The following RBMS3 variants were observed in gnomAD, a reference collection of about 807,000 sequenced individuals.
The protein encoded by RBMS3 is RNA binding motif single stranded interacting protein 3.
Under a neutral mutation model 66.8 loss-of-function variants are expected in RBMS3, and 27 were observed. The observed-to-expected ratio is 0.40, with a 90% confidence interval of 0.30 to 0.56. The LOEUF is 0.56. Ranked by LOEUF, RBMS3 falls within the 20% of genes least tolerant of loss-of-function variation. RBMS3 has a pLI of 0.40. For missense variants in RBMS3, 513 were observed against 549.5 expected, an observed-to-expected ratio of 0.93 and a Z score of 0.66; for synonymous variants, 188 against 183.0, an observed-to-expected ratio of 1.03 and a Z score of -0.22.
intron 4 of RBMS3, among the ~76,000 whole-genome samples, chr3:29,689,917 CAAAAAAAAAAAAAAAAAA>C (rs66580293): frequency 0.23 from 6,257 of 27,712 alleles, 297 homozygotes; most frequent in East Asian, 0.45. Context: ...CTATCTCTAC[CAAAAAAAAAAAAAAAAAA>C]AAAAAAAAAA....
At chr3:29,583,561 G>GA (rs34671470) in intron 3 of RBMS3, among the ~76,000 whole-genome samples, 10,306 of 152,230 alleles carry the variant, frequency 0.068, 460 homozygotes, top group South Asian at 0.14. Flanking sequence ...GTAATACAAT[G>GA]AAACAACACC....
intron 6 of RBMS3, among the ~76,000 whole-genome samples, chr3:29,804,377 T>C (rs1046468465): frequency 2.0e-5 from 3 of 152,064 alleles, no homozygotes; most frequent in East Asian, 3.8e-4. Context: ...AGCTCTATAA[T>C]ATATAGACTT....
intron 4 of RBMS3, among the ~76,000 whole-genome samples, chr3:29,736,965 G>T (rs1559620293): frequency 6.6e-6 from 1 of 152,008 alleles, no homozygotes; most frequent in African/African-American, 2.4e-5. Context: ...TGGCCTTTTA[G>T]TTATGGTAAC....
chr3:29,627,308 C>G (rs532084343), intron 4 of RBMS3, among the ~76,000 whole-genome samples: 4 of 152,022 alleles, frequency 2.6e-5, no homozygotes, highest in Non-Finnish European at 4.4e-5. Flanking sequence ...CTGTCTCTCT[C>G]TCTCTCTTCT....
chr3:29,996,094 CA>C (rs1274700792), intron 14 of RBMS3, among the ~76,000 whole-genome samples: 1 of 150,718 alleles, frequency 6.6e-6, no homozygotes, highest in South Asian at 2.1e-4. Context: ...CAATGGAAAA[CA>C]AAAAAAGGCA....
rs1278719376 is a variant in RBMS3, at chr3:29,910,944, A to G, written c.939+11189A>G. Reference sequence around the variant, plus strand: ...AAGAAGAAGCTTACCAAAGATAGGAATTAAACGTACATTTTTCTCCCTGTT... The same window carrying G: ...AAGAAGAAGCTTACCAAAGATAGGAGTTAAACGTACATTTTTCTCCCTGTT... On this transcript the variant is annotated intron_variant, in intron 10 of 14. Transcript: ENST00000383767. Among the ~76,000 whole-genome samples the G allele has an allele frequency of 2.0e-5, 3 of 152,100 alleles. No individual in the cohort carries two copies. The East Asian group carries it at 5.8e-4, about 29-fold the overall frequency.
chr3:29,528,891 A>G (rs1178466245), intron 3 of RBMS3, among the ~76,000 whole-genome samples: 3 of 151,834 alleles, frequency 2.0e-5, no homozygotes, highest in Non-Finnish European at 4.4e-5. Flanking sequence ...GTGTCACCAC[A>G]CCCAGCTAAT....
At chr3:29,329,435 T>C (rs1425669299) in intron 1 of RBMS3, among the ~76,000 whole-genome samples, 1 of 152,102 alleles carries the variant, frequency 6.6e-6, no homozygotes, top group Admixed American at 6.6e-5. Context: ...AGTCTATAGT[T>C]AGCGTGTATC....
intron 4 of RBMS3, among the ~76,000 whole-genome samples, chr3:29,629,298 T>C (rs1053026242): frequency 5.3e-5 from 8 of 152,144 alleles, no homozygotes; most frequent in African/African-American, 1.9e-4. Context: ...CAGGCTATTT[T>C]AATGAGGGCA....
chr3:29,427,838 C>A (rs1446805648), intron 1 of RBMS3, among the ~76,000 whole-genome samples: 1 of 152,158 alleles, frequency 6.6e-6, no homozygotes, highest in Non-Finnish European at 1.5e-5. Context: ...TGCCAGCAAC[C>A]AGATGCCGGC....
At chr3:29,824,210 G>A (rs2058145830) in intron 6 of RBMS3, among the ~76,000 whole-genome samples, 2 of 149,420 alleles carry the variant, frequency 1.3e-5, no homozygotes, top group African/African-American at 4.9e-5. Flanking sequence ...AATTGGACAT[G>A]AGGGTGGAGC....
At chr3:29,791,865 GA>G (rs1259806602) in intron 6 of RBMS3, among the ~76,000 whole-genome samples, 1 of 152,050 alleles carries the variant, frequency 6.6e-6, no homozygotes, top group East Asian at 1.9e-4. Context: ...AAAAAAACTT[GA>G]ATTGCCACTA....
At chr3:29,691,949 A>ATTTTTTTTTTTTTTTTTTTTTTTTTTTT (rs1294126975) in intron 4 of RBMS3, among the ~76,000 whole-genome samples, 5 of 64,994 alleles carry the variant, frequency 7.7e-5, no homozygotes, top group East Asian at 8.9e-4. Flanking sequence ...CTCTCTCTCT[A>ATTTTTTTTTTTTTTTTTTTTTTTTTTTT]TTTTTTTTTT....
intron 8 of RBMS3, among the ~76,000 whole-genome samples, chr3:29,884,577 G>A (rs1345790267): frequency 1.3e-5 from 2 of 149,962 alleles, no homozygotes; most frequent in Non-Finnish European, 3.0e-5. Flanking sequence ...ACTTTTTGGT[G>A]TGTGCCCAAG....
At chr3:29,976,210 T>G (rs1697575845) in intron 12 of RBMS3, among the ~76,000 whole-genome samples, 1 of 152,026 alleles carries the variant, frequency 6.6e-6, no homozygotes. Context: ...TTTTTAATAG[T>G]TTAATGCACA....
intron 1 of RBMS3, among the ~76,000 whole-genome samples, chr3:29,336,502 C>T (rs1371663934): frequency 1.3e-5 from 2 of 151,926 alleles, no homozygotes; most frequent in African/African-American, 4.8e-5. Flanking sequence ...TGTTTGTGGC[C>T]TCAACCCCAA....
intron 4 of RBMS3, among the ~76,000 whole-genome samples, chr3:29,679,165 A>G (rs1403544718): frequency 6.6e-6 from 1 of 151,962 alleles, no homozygotes. Context: ...GTGTTTCCAT[A>G]TGCTCTCCAG....
At chr3:29,700,798 A>G (rs1316750321) in intron 4 of RBMS3, among the ~76,000 whole-genome samples, 1 of 152,166 alleles carries the variant, frequency 6.6e-6, no homozygotes, top group Non-Finnish European at 1.5e-5. Context: ...GGAATTTAAA[A>G]AAAGAGAAAT....
At chr3:29,961,573 C>G (rs1052882693) in intron 12 of RBMS3, among the ~76,000 whole-genome samples, 2 of 152,070 alleles carry the variant, frequency 1.3e-5, no homozygotes, top group Admixed American at 1.3e-4. Context: ...AGGTTTAATT[C>G]ACTCACAGTT....
Sources: allele counts gnomAD v4.1 joint callset (sites outside exome capture counted in the v4.1 genomes callset), GRCh38; gene constraint gnomAD v4.1.1; transcripts MANE v1.5; gene names NCBI Gene and HGNC (gene_info 2026-07-23, HGNC 2026-07-21).